Variants in HTR1E observed in about 807,000 individuals in gnomAD.
HTR1E encodes the protein 5-hydroxytryptamine receptor 1E.
Under a neutral mutation model 3.4 loss-of-function variants are expected in HTR1E, and 3 were observed. That is an observed-to-expected ratio of 0.89 (90% CI 0.41 to 2.31). HTR1E has a LOEUF of 2.31. Among genes scored for constraint, HTR1E ranks in the 30% most tolerant of loss-of-function variants. The pLI, the probability that HTR1E is intolerant of heterozygous loss-of-function variation, is 0.05. For missense variants in HTR1E, 392 were observed against 467.0 expected, an observed-to-expected ratio of 0.84 and a Z score of 1.48; for synonymous variants, 170 against 182.8, an observed-to-expected ratio of 0.93 and a Z score of 0.56.
intron 1 of HTR1E, among the ~76,000 whole-genome samples, chr6:86,956,949 A>C (rs1244210623): frequency 7.9e-5 from 12 of 152,226 alleles, no homozygotes; most frequent in Non-Finnish European, 2.9e-5. Flanking sequence ...GAAGACTATA[A>C]GGTTAGGTTT....
chr6:86,965,084 C>A (rs1460870481), intron 1 of HTR1E, among the ~76,000 whole-genome samples: 1 of 152,182 alleles, frequency 6.6e-6, no homozygotes, highest in Non-Finnish European at 1.5e-5. Context: ...CCACTCCATG[C>A]CATATGTGGG....
chr6:87,009,258 T>C (rs1768164301), intron 1 of HTR1E, among the ~76,000 whole-genome samples: 1 of 149,696 alleles, frequency 6.7e-6, no homozygotes, highest in Admixed American at 6.6e-5. Flanking sequence ...GGATTGGTGA[T>C]GACTCTTAAC....
intron 1 of HTR1E, among the ~76,000 whole-genome samples, chr6:86,986,058 T>C (rs1433830807): frequency 1.3e-5 from 2 of 152,216 alleles, no homozygotes; most frequent in Non-Finnish European, 1.5e-5. Flanking sequence ...AAATATGAGA[T>C]ATTTTTCTCC....
intron 1 of HTR1E, among the ~76,000 whole-genome samples, chr6:86,963,622 A>T (rs1194639836): frequency 6.6e-6 from 1 of 152,072 alleles, no homozygotes; most frequent in Non-Finnish European, 1.5e-5. Flanking sequence ...CAGATGTACC[A>T]TTTTTTTATC....
At chr6:86,980,754 C>A (rs528089115) in intron 1 of HTR1E, among the ~76,000 whole-genome samples, 1 of 152,248 alleles carries the variant, frequency 6.6e-6, no homozygotes, top group South Asian at 2.1e-4. Context: ...GTACTTTATT[C>A]CTCTTAAAGA....
chr6:87,001,537 C>G (rs192246998), intron 1 of HTR1E, among the ~76,000 whole-genome samples: 1 of 152,206 alleles, frequency 6.6e-6, no homozygotes, highest in African/African-American at 2.4e-5. Context: ...GGTGCTGCAG[C>G]CAAGGAGATG....
chr6:86,957,313 A>G (rs879522891), intron 1 of HTR1E, among the ~76,000 whole-genome samples: 17 of 152,380 alleles, frequency 1.1e-4, no homozygotes, highest in Admixed American at 1.1e-3. Context: ...CATCTTTCAG[A>G]TAATTCTAAT....
At chr6:87,013,333 A>C (rs1426305075) in intron 1 of HTR1E, among the ~76,000 whole-genome samples, 1 of 152,194 alleles carries the variant, frequency 6.6e-6, no homozygotes, top group African/African-American at 2.4e-5. Flanking sequence ...GTTTAGAGTA[A>C]TTCTCTCCTA....
intron 1 of HTR1E, among the ~76,000 whole-genome samples, chr6:87,006,531 C>G (rs760650617): frequency 6.6e-6 from 1 of 152,106 alleles, no homozygotes; most frequent in African/African-American, 2.4e-5. Flanking sequence ...CCTCAAAGAT[C>G]GAGAAGCAGA....
At chr6:86,990,829 A>T (rs1767862099) in intron 1 of HTR1E, among the ~76,000 whole-genome samples, 1 of 152,168 alleles carries the variant, frequency 6.6e-6, no homozygotes, top group African/African-American at 2.4e-5. Flanking sequence ...CCCTCTCCAA[A>T]AGGCAGAGCT....
intron 1 of HTR1E, among the ~76,000 whole-genome samples, chr6:86,989,269 C>T (rs998800184): frequency 3.9e-5 from 6 of 152,116 alleles, no homozygotes; most frequent in South Asian, 2.1e-4. Context: ...TCCTGAGTAC[C>T]GGTCCCCAAA....
chr6:86,955,340 G>A (rs186830549), intron 1 of HTR1E, among the ~76,000 whole-genome samples: 5 of 151,942 alleles, frequency 3.3e-5, no homozygotes, highest in East Asian at 1.9e-4. Flanking sequence ...GCCTGCATGC[G>A]GTAGCACCTT....
At chr6:86,975,271 T>C (rs1562065329) in intron 1 of HTR1E, among the ~76,000 whole-genome samples, 1 of 152,238 alleles carries the variant, frequency 6.6e-6, no homozygotes, top group Non-Finnish European at 1.5e-5. Flanking sequence ...GCAATTCCTA[T>C]TTCCAATAGT....
chr6:86,982,412 T>TG (rs1335390189), intron 1 of HTR1E, among the ~76,000 whole-genome samples: 1 of 152,144 alleles, frequency 6.6e-6, no homozygotes, highest in African/African-American at 2.4e-5. Context: ...GATTCTAAGA[T>TG]GGAGAATTGT....
chr6:87,006,257 A>G lies in HTR1E; in HGVS notation c.-185-8893A>G, dbSNP rs138652217. On this transcript the variant is annotated intron_variant, in intron 1 of 1. Transcript: ENST00000305344. ...TATACTCAAAGGAAAGAAAATCAAT[A>G]TATTGAAGAGACATCTGCACTCCCA... Among the ~76,000 whole-genome samples the G allele has an allele frequency of 2.9e-3, 440 of 152,324 alleles. 3 individuals carry two copies. The highest frequency in any genetic ancestry group is 0.011 in the South Asian group (54 of 4,824).
At chr6:86,992,216 T>C (rs1767878538) in intron 1 of HTR1E, among the ~76,000 whole-genome samples, 1 of 152,216 alleles carries the variant, frequency 6.6e-6, no homozygotes, top group Non-Finnish European at 1.5e-5. Context: ...ATGCAACTGA[T>C]TTAAAGGGTA....
chr6:86,938,135 G>GAT (rs1466367687), intron 1 of HTR1E, among the ~76,000 whole-genome samples: 34 of 152,336 alleles, frequency 2.2e-4, no homozygotes, highest in Middle Eastern at 3.4e-3. Flanking sequence ...GCAGCTTAAA[G>GAT]ATTAAATAGG....
At chr6:86,958,357 A>G (rs1298233617) in intron 1 of HTR1E, among the ~76,000 whole-genome samples, 2 of 152,186 alleles carry the variant, frequency 1.3e-5, no homozygotes, top group Non-Finnish European at 2.9e-5. Flanking sequence ...GGAGAAGCCC[A>G]TGTGCCTATA....
chr6:86,976,404 C>T (rs569244312), intron 1 of HTR1E, among the ~76,000 whole-genome samples: 22 of 152,236 alleles, frequency 1.4e-4, no homozygotes, highest in African/African-American at 5.3e-4. Context: ...AATAAAGTTA[C>T]CTACTCCAAA....
Sources: allele counts gnomAD v4.1 joint callset (sites outside exome capture counted in the v4.1 genomes callset), GRCh38; gene constraint gnomAD v4.1.1; transcripts MANE v1.5; gene names NCBI Gene and HGNC (gene_info 2026-07-23, HGNC 2026-07-21).